ZFP64: variants seen among roughly 807,000 people sequenced by gnomAD.
The protein encoded by ZFP64 is ZFP64 zinc finger protein, also known as zinc finger protein 64.
ZFP64 carries 14 observed loss-of-function variants against 51.6 expected under a neutral mutation model. That is an observed-to-expected ratio of 0.27 (90% CI 0.18 to 0.42). The LOEUF (loss-of-function observed/expected upper bound fraction) is 0.42. Among genes scored for constraint, ZFP64 ranks in the 10% least tolerant of loss-of-function variants. The pLI is 1.00. For synonymous variants in ZFP64, 375 were observed against 361.4 expected, an observed-to-expected ratio of 1.04 and a Z score of -0.43; for missense variants, 754 against 906.8, an observed-to-expected ratio of 0.83 and a Z score of 2.16.
chr20:52,109,210 G>GCATGATCTTGGCT (rs1978417669), intron 5 of ZFP64, among the ~76,000 whole-genome samples: 1 of 151,904 alleles, frequency 6.6e-6, no homozygotes, highest in Non-Finnish European at 1.5e-5. Flanking sequence ...GAGTGCAGTG[G>GCATGATCTTGGCT]CATGATCTTG....
intron 5 of ZFP64, among the ~76,000 whole-genome samples, chr20:52,132,332 A>G (rs1367652444): frequency 6.6e-6 from 1 of 152,106 alleles, no homozygotes; most frequent in African/African-American, 2.4e-5. Context: ...AAAACAAACC[A>G]AACCCAAAAT....
Position 52,153,703 on chromosome 20 carries a change from A to G in ZFP64, c.764-275T>C, listed in dbSNP as rs1981075578. On this transcript the variant is annotated intron_variant, in intron 5 of 5. Transcript: ENST00000216923. The surrounding 1 kb of genome is among the most constrained non-coding windows in gnomAD (Gnocchi z 5.1). ...CCCAGATAAAATAAGATTTACAAGT[A>G]TACTTGTTATATTCTTTAAAACACT... is the stretch of plus-strand genomic sequence containing the variant. Among the ~76,000 whole-genome samples, 2 of 152,370 alleles carry G rather than the reference A, an allele frequency of 1.3e-5. No individual in the cohort carries two copies. The highest frequency in any genetic ancestry group is 1.3e-4 in the Admixed American group (2 of 15,312).
At chr20:52,088,186 T>C in intron 8 of ZFP64, 1 of 755,614 alleles carries the variant, frequency 1.3e-6, no homozygotes. Flanking sequence ...ATAGTCAAGA[T>C]ATAAAACCCA....
chr20:52,111,416 T>C (rs1048330226), intron 5 of ZFP64, among the ~76,000 whole-genome samples: 7 of 151,892 alleles, frequency 4.6e-5, no homozygotes, highest in Admixed American at 4.6e-4. Context: ...GGTTTCTCCA[T>C]GTTGGTCAGG....
At chr20:52,103,715 G>C (rs139911510) in intron 5 of ZFP64, among the ~76,000 whole-genome samples, 1,644 of 152,318 alleles carry the variant, frequency 0.011, 11 homozygotes, top group Admixed American at 0.022. Flanking sequence ...GAGGCGCAGA[G>C]ATCAGCAAGA....
rs371012655 is a variant in ZFP64 at position 52,152,173 on chromosome 20, G to A, written c.2019C>T (p.Leu673=). The A allele has an allele frequency of 1.9e-6, 3 of 1,614,040 alleles. No individual in the cohort carries two copies. The African/African-American group carries it at 4.0e-5, about 22-fold the overall frequency. ...AATCTGGAATGGAGTCGGCGGGACAGAGCAAAGCTGGATGGGCTGCCCCTT... is the reference window on the plus strand; with the variant it reads ...AATCTGGAATGGAGTCGGCGGGACAAAGCAAAGCTGGATGGGCTGCCCCTT... The part of the protein sequence containing the change: ...IIQGAAHPAL[L]CPADSIPD The change falls in exon 6 of 6, where the codon CTC becomes CTT. Residue 673 remains leucine, a synonymous_variant. Transcript: ENST00000216923.
rs531219749 is a variant in ZFP64 at position 52,114,287 on chromosome 20, T to C, written c.764-15700A>G. On this transcript the variant is annotated intron_variant, in intron 5 of 8. Transcript: ENST00000361387. ...AGCCAGCTATTCCATGCCTATGCTGTATTTGTCAAACTCACTGTGCAGAGA... is the reference window on the plus strand; with the variant it reads ...AGCCAGCTATTCCATGCCTATGCTGCATTTGTCAAACTCACTGTGCAGAGA... Among the ~76,000 whole-genome samples, 52 of 152,346 alleles carry C rather than the reference T, an allele frequency of 3.4e-4. 1 individual carries two copies. The South Asian group carries it at 8.3e-3, about 24-fold the overall frequency.
intron 5 of ZFP64, among the ~76,000 whole-genome samples, chr20:52,103,712 A>T (rs1325296306): frequency 6.6e-6 from 1 of 152,202 alleles, no homozygotes; most frequent in Non-Finnish European, 1.5e-5. Flanking sequence ...CCCGAGGCGC[A>T]GAGATCAGCA....
intron 5 of ZFP64, among the ~76,000 whole-genome samples, chr20:52,157,895 C>A (rs139064042): frequency 0.035 from 5,329 of 152,196 alleles, 302 homozygotes; most frequent in African/African-American, 0.12. Flanking sequence ...GTTCAACTCC[C>A]ACTTATGAGT....
intron 2 of ZFP64, among the ~76,000 whole-genome samples, chr20:52,173,372 A>C (rs1203180520): frequency 3.3e-5 from 5 of 152,190 alleles, no homozygotes; most frequent in African/African-American, 1.2e-4. Context: ...TGATCACTTG[A>C]GACCAGGAGT....
intron 5 of ZFP64, among the ~76,000 whole-genome samples, chr20:52,132,777 A>C (rs1001890273): frequency 6.6e-6 from 1 of 152,212 alleles, no homozygotes; most frequent in Non-Finnish European, 1.5e-5. Context: ...TCTGCTAAAC[A>C]TTGAAAGAAG....
intron 2 of ZFP64, among the ~76,000 whole-genome samples, chr20:52,172,552 A>G (rs1982843090): frequency 1.3e-5 from 2 of 152,078 alleles, no homozygotes; most frequent in African/African-American, 4.8e-5. Context: ...GCACCCTAGA[A>G]GAAGGTGAAA....
intron 2 of ZFP64, among the ~76,000 whole-genome samples, chr20:52,186,514 C>CT (rs11479878): frequency 3.9e-4 from 58 of 148,080 alleles, no homozygotes; most frequent in Non-Finnish European, 4.2e-4. Context: ...AAAACAACCA[C>CT]TTTTTTTTTT....
chr20:52,158,758 C>T (rs1232129868), intron 5 of ZFP64, among the ~76,000 whole-genome samples: 1 of 152,118 alleles, frequency 6.6e-6, no homozygotes, highest in Admixed American at 6.5e-5. Context: ...CCCTGCATCC[C>T]CGACCTTTGC....
intron 2 of ZFP64, among the ~76,000 whole-genome samples, chr20:52,186,350 A>G (rs1019301067): frequency 6.6e-6 from 1 of 152,150 alleles, no homozygotes; most frequent in Non-Finnish European, 1.5e-5. Flanking sequence ...GAGTGTACAC[A>G]ACAGAGAACA....
At chr20:52,130,605 T>C (rs1437223782) in intron 5 of ZFP64, among the ~76,000 whole-genome samples, 1 of 152,208 alleles carries the variant, frequency 6.6e-6, no homozygotes, top group Non-Finnish European at 1.5e-5. Flanking sequence ...AAACTTCACA[T>C]GTTTCCAGAA....
Position 52,085,378 on chromosome 20 carries a change from T to A in ZFP64, c.1229-112A>T. On this transcript the variant is annotated intron_variant, in intron 8 of 8. Transcript: ENST00000361387. This position sits in a 1 kb window ranked among gnomAD's most constrained non-coding sequence, Gnocchi z 4.3. ...TGAGATGGTTGGGTTTTGTGAACTCTAAACCCAACCTCCTAATGACAACAC... is the reference window on the plus strand; with the variant it reads ...TGAGATGGTTGGGTTTTGTGAACTCAAAACCCAACCTCCTAATGACAACAC... The A allele has an allele frequency of 3.5e-6, 4 of 1,136,300 alleles. No individual in the cohort carries two copies. Among genetic ancestry groups the A allele is most frequent in the Non-Finnish European group, 4.9e-6 (4 of 813,770 alleles). The allele number at this position is 1,136,300 out of a possible 1,614,324, so 70.4% of individuals were successfully genotyped here.
chr20:52,088,175 T>C, intron 8 of ZFP64: 1 of 685,726 alleles, frequency 1.5e-6, no homozygotes, highest in Non-Finnish European at 2.4e-6. Flanking sequence ...CTGGATTCTA[T>C]ATAGTCAAGA....
At chr20:52,173,014 T>TCA in intron 2 of ZFP64, among the ~76,000 whole-genome samples, 1 of 152,180 alleles carries the variant, frequency 6.6e-6, no homozygotes, top group Non-Finnish European at 1.5e-5. Context: ...ATGAATTTCA[T>TCA]GAAATAGATA....
Sources: gnomAD v4.1 joint callset for allele counts (sites outside exome capture counted in the v4.1 genomes callset) on GRCh38, gnomAD v4.1.1 for gene constraint, Gnocchi (gnomAD v3.1) non-coding constraint, MANE v1.5 for transcripts, NCBI Gene and HGNC (gene_info 2026-07-23, HGNC 2026-07-21) for gene names.